C1QTNF3: variants seen among roughly 807,000 people sequenced by gnomAD.
C1QTNF3 encodes complement C1q tumor necrosis factor-related protein 3.
A neutral mutation model predicts 32.6 loss-of-function variants in C1QTNF3; 26 were observed. The observed-to-expected ratio is 0.80, with a 90% CI of 0.58 to 1.11. The LOEUF (loss-of-function observed/expected upper bound fraction) is 1.11. C1QTNF3 is among the 50% of genes least tolerant of loss of function. The pLI is 0.00. For missense variants in C1QTNF3, 362 were observed against 398.2 expected (o/e 0.91, Z 0.77); for synonymous variants, 155 against 146.0 (o/e 1.06, Z -0.44).
At chr5:34,075,895 G>A in the C1QTNF3 span, among the ~76,000 whole-genome samples, 1 of 150,842 alleles carries the variant, frequency 6.6e-6, no homozygotes, top group Non-Finnish European at 1.5e-5. Flanking sequence ...GTGTGTGTGT[G>A]TGTGTGTGTA....
the C1QTNF3 span, among the ~76,000 whole-genome samples, chr5:34,235,804 T>C: frequency 6.6e-6 from 1 of 152,408 alleles, no homozygotes; most frequent in East Asian, 1.9e-4. Flanking sequence ...GGTGCTGTTA[T>C]AGCAGACCCA....
chr5:34,022,273 C>T (rs568112799), intron 5 of C1QTNF3, among the ~76,000 whole-genome samples: 1 of 152,296 alleles, frequency 6.6e-6, no homozygotes, highest in Admixed American at 6.5e-5. Flanking sequence ...AGACACAAAA[C>T]CAGACTCCAG....
chr5:34,203,141 G>A, the C1QTNF3 span, among the ~76,000 whole-genome samples: 1 of 152,098 alleles, frequency 6.6e-6, no homozygotes, highest in African/African-American at 2.4e-5. Flanking sequence ...CATGAAAGTA[G>A]CAAACTCATA....
At chr5:34,126,727 T>G in the C1QTNF3 span, among the ~76,000 whole-genome samples, 2 of 150,812 alleles carry the variant, frequency 1.3e-5, no homozygotes, top group Non-Finnish European at 3.0e-5. Flanking sequence ...AAAGAAAAGG[T>G]GGTATATATA....
chr5:34,212,571 A>C, the C1QTNF3 span, among the ~76,000 whole-genome samples: 7 of 152,168 alleles, frequency 4.6e-5, 1 homozygote, highest in Admixed American at 4.6e-4. Context: ...AAAAACAAAC[A>C]ACCCCATCAA....
the C1QTNF3 span, among the ~76,000 whole-genome samples, chr5:34,232,564 A>G: frequency 6.6e-6 from 1 of 152,000 alleles, no homozygotes; most frequent in Admixed American, 6.6e-5. Context: ...GTGAGTTCCA[A>G]GAGATCTGAT....
chr5:34,195,828 A>G, the C1QTNF3 span, among the ~76,000 whole-genome samples: 1 of 151,450 alleles, frequency 6.6e-6, no homozygotes, highest in Non-Finnish European at 1.5e-5. Flanking sequence ...TGACAGAGCG[A>G]GACTCTGTCT....
the C1QTNF3 span, among the ~76,000 whole-genome samples, chr5:34,241,968 G>GGAAA: frequency 6.9e-6 from 1 of 145,168 alleles, no homozygotes; most frequent in Non-Finnish European, 1.5e-5. Context: ...AAGGAAGGAA[G>GGAAA]GAAGGAAGGA....
intron 2 of C1QTNF3, among the ~76,000 whole-genome samples, chr5:34,034,197 T>C (rs542446643): frequency 1.3e-5 from 2 of 152,186 alleles, no homozygotes; most frequent in Admixed American, 6.5e-5. Flanking sequence ...TAAATAGAAA[T>C]AACATGATAC....
At chr5:34,200,575 A>C in the C1QTNF3 span, 1 of 152,142 alleles carries the variant, frequency 6.6e-6, no homozygotes, top group African/African-American at 2.4e-5. Context: ...GAAAAATATA[A>C]ATGAAGAGTT....
At chr5:34,027,966 G>A (rs1466751968) in intron 4 of C1QTNF3, among the ~76,000 whole-genome samples, 1 of 151,802 alleles carries the variant, frequency 6.6e-6, no homozygotes, top group African/African-American at 2.4e-5. Flanking sequence ...GTATTCATTT[G>A]CATAAACAAG....
chr5:34,045,848 G>A (rs1445726670), upstream of C1QTNF3, among the ~76,000 whole-genome samples: 2 of 152,044 alleles, frequency 1.3e-5, no homozygotes, highest in African/African-American at 2.4e-5. Flanking sequence ...TCAAGAATTG[G>A]GGTCAGAAAG....
At chr5:34,134,656 T>G in the C1QTNF3 span, among the ~76,000 whole-genome samples, 117 of 152,300 alleles carry the variant, frequency 7.7e-4, no homozygotes, top group Non-Finnish European at 1.4e-3. Flanking sequence ...TAAGTTGGAT[T>G]CCTAGGTATT....
the C1QTNF3 span, among the ~76,000 whole-genome samples, chr5:34,121,869 G>A: frequency 6.6e-6 from 1 of 152,094 alleles, no homozygotes; most frequent in Non-Finnish European, 1.5e-5. Context: ...AAGTCTGAGA[G>A]AGACCTCCCC....
the C1QTNF3 span, among the ~76,000 whole-genome samples, chr5:34,111,988 G>T: frequency 6.6e-6 from 1 of 152,160 alleles, no homozygotes; most frequent in Non-Finnish European, 1.5e-5. Context: ...CTGAGTTGGA[G>T]GAGAGCCAGA....
the C1QTNF3 span, among the ~76,000 whole-genome samples, chr5:34,053,942 G>C: frequency 3.3e-5 from 5 of 152,260 alleles, no homozygotes; most frequent in East Asian, 9.7e-4. Context: ...TATCCCTCTG[G>C]TTTCTAAGCT....
At chr5:34,154,053 G>T in the C1QTNF3 span, among the ~76,000 whole-genome samples, 2 of 151,370 alleles carry the variant, frequency 1.3e-5, no homozygotes, top group Non-Finnish European at 2.9e-5. Context: ...AATGTCATTT[G>T]GTATAAATAA....
At chr5:34,154,413 T>G in the C1QTNF3 span, among the ~76,000 whole-genome samples, 1 of 152,234 alleles carries the variant, frequency 6.6e-6, no homozygotes, top group African/African-American at 2.4e-5. Context: ...TTCTTGCTGT[T>G]AATCAGATTG....
At chr5:34,122,899 C>A in the C1QTNF3 span, among the ~76,000 whole-genome samples, 27 of 149,638 alleles carry the variant, frequency 1.8e-4, 1 homozygote, top group East Asian at 4.3e-3. Context: ...ATCACGAGCC[C>A]AGAATTCCAG....
Sources: gnomAD v4.1 joint callset for allele counts (sites outside exome capture counted in the v4.1 genomes callset) on GRCh38, gnomAD v4.1.1 for gene constraint, MANE v1.5 for transcripts, NCBI Gene and HGNC (gene_info 2026-07-23, HGNC 2026-07-21) for gene names.